Variants in MAGI3 observed in about 807,000 individuals in gnomAD.
MAGI3 encodes membrane associated guanylate kinase, WW and PDZ domain containing 3.
A neutral mutation model predicts 121.8 loss-of-function variants in MAGI3; 43 were observed. That is an observed-to-expected ratio of 0.35 (90% CI 0.28 to 0.46). The LOEUF (loss-of-function observed/expected upper bound fraction) is 0.46, where lower values mean the gene tolerates loss of function less well. MAGI3 is among the 20% of genes least tolerant of loss of function. MAGI3 has a pLI of 1.00. For missense variants in MAGI3, 1,547 were observed against 1,797.3 expected, an observed-to-expected ratio of 0.86 and a Z score of 2.52; for synonymous variants, 553 against 639.3, an observed-to-expected ratio of 0.86 and a Z score of 2.04.
At position 113,549,487 on chromosome 1, in the gene MAGI3, C is replaced by G. The variant is rs752419206; in HGVS notation, c.317-28C>G. ...CGTCTAAAAATTATGCATTTATTTT[C>G]TGTTTTTTTTTTTTGTCTTTGCTCC... On this transcript the variant is annotated intron_variant, in intron 1 of 20. Coordinates refer to ENST00000307546, the MANE Select transcript of MAGI3 (RefSeq NM_001142782.2). The G allele has an allele frequency of 8.6e-6, 10 of 1,156,848 alleles. No individual in the cohort carries two copies. The African/African-American group carries it at 1.3e-4, about 15-fold the overall frequency. The allele number at this position is 1,156,848 out of a possible 1,614,324, so 71.7% of individuals were successfully genotyped here.
chr1:113,581,399 T>C (rs1456211602), intron 3 of MAGI3, among the ~76,000 whole-genome samples: 1 of 152,162 alleles, frequency 6.6e-6, no homozygotes, highest in African/African-American at 2.4e-5. Flanking sequence ...TCAGCGTATC[T>C]AAATATGCAT....
At position 113,435,769 on chromosome 1, in the gene MAGI3, C is replaced by G. The variant is rs571090462; in HGVS notation, c.316+44420C>G. On this transcript the variant is annotated intron_variant, in intron 1 of 20. Coordinates refer to ENST00000307546, the MANE Select transcript of MAGI3 (RefSeq NM_001142782.2). ...TATTACAAAAGACTAGAGTATAAAT[C>G]AGGTGGAAAAAGGGACAGCAAAGAA... is the stretch of plus-strand genomic sequence containing the variant. Among the ~76,000 whole-genome samples the G allele has an allele frequency of 8.1e-4, 123 of 152,140 alleles. 1 individual carries two copies. The highest frequency in any genetic ancestry group is 6.8e-3 in the Middle Eastern group (2 of 294).
chr1:113,569,713 C>T (rs751282257), intron 2 of MAGI3, among the ~76,000 whole-genome samples: 2 of 152,102 alleles, frequency 1.3e-5, no homozygotes, highest in Non-Finnish European at 2.9e-5. Flanking sequence ...AACATCTCTA[C>T]AGTTGGGAAG....
At chr1:113,439,228 A>T (rs1653793811) in intron 1 of MAGI3, among the ~76,000 whole-genome samples, 1 of 152,240 alleles carries the variant, frequency 6.6e-6, no homozygotes, top group Non-Finnish European at 1.5e-5. Flanking sequence ...TACTCTGAGC[A>T]GTGTGCAAGT....
intron 1 of MAGI3, among the ~76,000 whole-genome samples, chr1:113,416,328 A>AG (rs56866757): frequency 8.0e-6 from 1 of 125,320 alleles, no homozygotes. Context: ...GTAATTAATT[A>AG]TATATCAATC....
At chr1:113,472,402 C>T (rs930435295) in intron 1 of MAGI3, among the ~76,000 whole-genome samples, 1 of 152,076 alleles carries the variant, frequency 6.6e-6, no homozygotes, top group Non-Finnish European at 1.5e-5. Flanking sequence ...TGGGGTTTCA[C>T]CGTGTTAGCC....
intron 1 of MAGI3, among the ~76,000 whole-genome samples, chr1:113,453,482 T>G (rs961333778): frequency 1.3e-5 from 2 of 152,224 alleles, no homozygotes; most frequent in Non-Finnish European, 2.9e-5. Context: ...ACCCTTTTTG[T>G]ACTCATATTT....
intron 2 of MAGI3, among the ~76,000 whole-genome samples, chr1:113,579,407 A>C (rs1353856306): frequency 6.6e-6 from 1 of 152,220 alleles, no homozygotes; most frequent in Non-Finnish European, 1.5e-5. Context: ...TATGTAGTAT[A>C]CTAAAGCCTA....
At chr1:113,579,901 G>A (rs547818610) in intron 2 of MAGI3, among the ~76,000 whole-genome samples, 1 of 151,984 alleles carries the variant, frequency 6.6e-6, no homozygotes, top group African/African-American at 2.4e-5. Flanking sequence ...TGAAAATCCT[G>A]TATCTCTTTG....
At chr1:113,672,897 T>C (rs867159332) in intron 18 of MAGI3, among the ~76,000 whole-genome samples, 156 bp downstream of exon 18, 43 of 152,376 alleles carry the variant, frequency 2.8e-4, no homozygotes, top group Admixed American at 4.6e-4. Flanking sequence ...CTGGCATTCA[T>C]AGGAGAATGT....
intron 15 of MAGI3, 27 bp downstream of exon 15, chr1:113,654,045 C>T (rs1317173546): frequency 6.4e-7 from 1 of 1,561,140 alleles, no homozygotes; most frequent in Non-Finnish European, 8.7e-7. Flanking sequence ...CTTATTGTCT[C>T]TCCCTGCAAG....
At chr1:113,668,592 T>TC in intron 16 of MAGI3, among the ~76,000 whole-genome samples, 1 of 146,260 alleles carries the variant, frequency 6.8e-6, no homozygotes, top group African/African-American at 2.5e-5. Context: ...TTTTTTTTTT[T>TC]TGAGACGGAG....
chr1:113,437,449 T>G (rs1361575365), intron 1 of MAGI3, among the ~76,000 whole-genome samples: 2 of 152,086 alleles, frequency 1.3e-5, no homozygotes, highest in African/African-American at 4.8e-5. Context: ...CTCATTATCT[T>G]ATAAGTAATT....
At chr1:113,616,686 T>C (rs1650490068) in intron 7 of MAGI3, among the ~76,000 whole-genome samples, 1 of 152,190 alleles carries the variant, frequency 6.6e-6, no homozygotes, top group African/African-American at 2.4e-5. Flanking sequence ...AATATGCTTA[T>C]ATATTTAGAA....
intron 14 of MAGI3, among the ~76,000 whole-genome samples, chr1:113,652,929 G>C (rs1441875513): frequency 6.6e-6 from 1 of 152,226 alleles, no homozygotes; most frequent in East Asian, 1.9e-4. Context: ...ATGCCCAGAA[G>C]TGTTTGCTAT....
At chr1:113,447,186 T>G (rs1200180724) in intron 1 of MAGI3, among the ~76,000 whole-genome samples, 1 of 152,240 alleles carries the variant, frequency 6.6e-6, no homozygotes, top group Non-Finnish European at 1.5e-5. Flanking sequence ...ACAGTCTATT[T>G]TGTGCTGCTG....
chr1:113,543,477 T>C (rs1004906243), intron 1 of MAGI3, among the ~76,000 whole-genome samples: 2 of 152,234 alleles, frequency 1.3e-5, no homozygotes, highest in African/African-American at 2.4e-5. Context: ...AACTTGTAGA[T>C]AGACTATTAA....
chr1:113,474,594 G>C (rs1655716082), intron 1 of MAGI3, among the ~76,000 whole-genome samples: 1 of 152,158 alleles, frequency 6.6e-6, no homozygotes, highest in Admixed American at 6.5e-5. Context: ...TGTTATTTCT[G>C]AGGGCTCTGT....
chr1:113,415,731 A>G lies in MAGI3; in HGVS notation c.316+24382A>G, dbSNP rs574037792. ...GTTATTCTCTCCTACACCAATGACAATGGTCTGTTTCTCACCAGAATATGC... is the reference window on the plus strand; with the variant it reads ...GTTATTCTCTCCTACACCAATGACAGTGGTCTGTTTCTCACCAGAATATGC... On this transcript the variant is annotated intron_variant, in intron 1 of 20. Transcript: ENST00000307546. Among the ~76,000 whole-genome samples, 32 of 152,090 alleles carry G rather than the reference A, an allele frequency of 2.1e-4. No individual in the cohort carries two copies. In the South Asian group the frequency reaches 3.5e-3, roughly 17 times the overall value.
Sources: allele counts gnomAD v4.1 joint callset (sites outside exome capture counted in the v4.1 genomes callset), GRCh38; gene constraint gnomAD v4.1.1; transcripts MANE v1.5; gene names NCBI Gene and HGNC (gene_info 2026-07-23, HGNC 2026-07-21).